The following CTBP2 variants were observed in gnomAD, a reference collection of about 807,000 sequenced individuals.
CTBP2 encodes C-terminal-binding protein 2.
CTBP2 carries 30 observed loss-of-function variants against 80.3 expected under a neutral mutation model. That is an observed-to-expected ratio of 0.37 (90% CI 0.28 to 0.51). The LOEUF (loss-of-function observed/expected upper bound fraction) is 0.51. Among genes scored for constraint, CTBP2 ranks in the 20% least tolerant of loss-of-function variants. The pLI is 0.93. For synonymous variants in CTBP2, 594 were observed against 587.4 expected (o/e 1.01, Z -0.16); for missense variants, 1,212 against 1,375.3 (o/e 0.88, Z 1.88).
intron 2 of CTBP2, among the ~76,000 whole-genome samples, chr10:125,102,921 A>G (rs763366732): frequency 2.6e-5 from 4 of 152,170 alleles, no homozygotes; most frequent in Non-Finnish European, 2.9e-5. Flanking sequence ...GCTGAACCAC[A>G]TTATCCCTCA....
chr10:125,120,615 G>C (rs973602022), intron 1 of CTBP2, among the ~76,000 whole-genome samples: 1 of 152,298 alleles, frequency 6.6e-6, no homozygotes, highest in South Asian at 2.1e-4. Context: ...TCAAACTCCT[G>C]AACTCAGGTG....
intron 1 of CTBP2, among the ~76,000 whole-genome samples, chr10:125,116,358 A>G (rs1344485881): frequency 6.6e-6 from 1 of 151,852 alleles, no homozygotes; most frequent in African/African-American, 2.4e-5. Flanking sequence ...CCTCACAGAC[A>G]CTCCCTCGGC....
intron 2 of CTBP2, among the ~76,000 whole-genome samples, chr10:125,079,076 G>A (rs150558485): frequency 1.8e-3 from 272 of 150,132 alleles, no homozygotes; most frequent in African/African-American, 6.2e-3. Context: ...GAACCCAGGA[G>A]GCAAAGGTTG....
intron 1 of CTBP2, among the ~76,000 whole-genome samples, chr10:125,009,622 C>A (rs1227466870): frequency 6.6e-6 from 1 of 152,236 alleles, no homozygotes; most frequent in Admixed American, 6.5e-5. Flanking sequence ...AAGCCAGACA[C>A]AGAATCAGAA....
intron 2 of CTBP2, among the ~76,000 whole-genome samples, chr10:125,080,846 G>C (rs542401818): frequency 1.3e-5 from 2 of 152,082 alleles, no homozygotes; most frequent in South Asian, 4.2e-4. Flanking sequence ...ACGTTCAGTG[G>C]AGGCAACTGC....
chr10:125,098,667 A>G (rs1564913603), intron 2 of CTBP2, among the ~76,000 whole-genome samples: 2 of 83,478 alleles, frequency 2.4e-5, no homozygotes, highest in Non-Finnish European at 4.9e-5. Flanking sequence ...GGAGAGAGAG[A>G]GAGAGAGAGA....
chr10:125,040,800 G>A (rs571043438), intron 2 of CTBP2, among the ~76,000 whole-genome samples: 4 of 152,282 alleles, frequency 2.6e-5, no homozygotes, highest in Admixed American at 6.5e-5. Context: ...GTAAGTTAAC[G>A]GCTAATTTCC....
chr10:125,136,622 C>G (rs752111867), intron 1 of CTBP2, among the ~76,000 whole-genome samples: 18 of 152,160 alleles, frequency 1.2e-4, no homozygotes, highest in Non-Finnish European at 2.4e-4. Context: ...AGGAATTATG[C>G]CCTCAGCACC....
At chr10:125,020,852 G>C (rs1265834458) in intron 1 of CTBP2, among the ~76,000 whole-genome samples, 1 of 152,166 alleles carries the variant, frequency 6.6e-6, no homozygotes, top group African/African-American at 2.4e-5. Flanking sequence ...GCGCTGTCGA[G>C]GGGGACACAC....
At chr10:124,997,872 G>A (rs1465391448) in intron 4 of CTBP2, 92 bp downstream of exon 6, 17 of 1,385,332 alleles carry the variant, frequency 1.2e-5, no homozygotes, top group African/African-American at 2.8e-5. Context: ...GGCTCCTCAA[G>A]AGCAGGCTGG....
intron 2 of CTBP2, among the ~76,000 whole-genome samples, chr10:125,106,640 G>A (rs1272193798): frequency 6.6e-6 from 1 of 152,242 alleles, no homozygotes; most frequent in Non-Finnish European, 1.5e-5. Context: ...TGAGAGGCAA[G>A]TGTGCCCACC....
chr10:125,116,150 G>A (rs947980427), intron 1 of CTBP2, among the ~76,000 whole-genome samples: 7 of 152,092 alleles, frequency 4.6e-5, no homozygotes, highest in Admixed American at 2.6e-4. Flanking sequence ...CTCCAGGCCC[G>A]AACCCAGCAC....
upstream of CTBP2, chr10:125,161,170 CT>C (rs992756055): frequency 8.5e-4 from 129 of 151,962 alleles, no homozygotes; most frequent in African/African-American, 2.9e-3. Flanking sequence ...CAAATCGGCT[CT>C]CTCGGGGGAT....
Position 125,026,115 on chromosome 10 carries a change from T to C in CTBP2, c.1645A>G (p.Ile549Val), listed in dbSNP as rs1214855546. ...GGTGCAAGCATGGTGGACACGATGATGGGTGCCCCTGTGCGCCGGGCCACC... is the reference window on the plus strand; with the variant it reads ...GGTGCAAGCATGGTGGACACGATGACGGGTGCCCCTGTGCGCCGGGCCACC... Residue 549 changes from isoleucine to valine, a missense_variant, in exon 1 of 9, where the codon ATC becomes GTC. Transcript: ENST00000309035. 2.5e-6 allele frequency: 4 copies of C among 1,584,916 alleles called. No homozygotes were observed. Among genetic ancestry groups the C allele is most frequent in the African/African-American group, 1.3e-5 (1 of 74,446 alleles).
intron 1 of CTBP2, among the ~76,000 whole-genome samples, chr10:125,130,434 T>C (rs1365536176): frequency 6.6e-6 from 1 of 152,084 alleles, no homozygotes; most frequent in Non-Finnish European, 1.5e-5. Flanking sequence ...AGCAAAGTGA[T>C]TACCACAGGT....
intron 1 of CTBP2, among the ~76,000 whole-genome samples, chr10:125,134,161 C>T (rs937628865): frequency 6.6e-6 from 1 of 152,218 alleles, no homozygotes; most frequent in African/African-American, 2.4e-5. Context: ...GCAGCCCCAA[C>T]GACCAGATTT....
chr10:125,015,542 T>C (rs1047739435), intron 1 of CTBP2, among the ~76,000 whole-genome samples: 8 of 152,156 alleles, frequency 5.3e-5, no homozygotes, highest in Admixed American at 5.2e-4. Flanking sequence ...CCACTCCCGG[T>C]CTTGCAGTTG....
At chr10:125,015,226 T>C (rs76594839) in intron 1 of CTBP2, among the ~76,000 whole-genome samples, 11,668 of 152,230 alleles carry the variant, frequency 0.077, 620 homozygotes, top group Admixed American at 0.16. Flanking sequence ...GCCAGTGAGG[T>C]GGGAAAACCC....
chr10:125,029,065 G>A (rs1033012771), upstream of CTBP2, among the ~76,000 whole-genome samples: 6 of 152,146 alleles, frequency 3.9e-5, no homozygotes, highest in South Asian at 4.1e-4. Context: ...AATAAAAGCC[G>A]GTGATTAGGA....
Sources: allele counts gnomAD v4.1 joint callset (sites outside exome capture counted in the v4.1 genomes callset), GRCh38; gene constraint gnomAD v4.1.1; transcripts MANE v1.5; gene names NCBI Gene and HGNC (gene_info 2026-07-23, HGNC 2026-07-21).